Variants in PMF1 observed in about 807,000 individuals in gnomAD.
PMF1 encodes the protein polyamine-modulated factor 1.
A neutral mutation model predicts 26.7 loss-of-function variants in PMF1; 21 were observed. That is an observed-to-expected ratio of 0.79 (90% CI 0.56 to 1.13). The LOEUF is 1.13. Ranked by LOEUF, PMF1 falls within the 50% of genes most tolerant of loss-of-function variation. The probability of loss-of-function intolerance (pLI) is 0.00; values close to 1 mark genes in which losing one functional copy is unlikely to be tolerated. For missense variants in PMF1, 266 were observed against 254.9 expected (o/e 1.04, Z -0.30); for synonymous variants, 105 against 101.0 (o/e 1.04, Z -0.24).
At chr1:156,239,189 A>G (rs935581109) in intron 4 of PMF1, among the ~76,000 whole-genome samples, 1 of 152,120 alleles carries the variant, frequency 6.6e-6, no homozygotes, top group Non-Finnish European at 1.5e-5. Flanking sequence ...GGCAATTTCC[A>G]TGTCTGTAAC....
intron 3 of PMF1, among the ~76,000 whole-genome samples, chr1:156,234,234 A>C (rs762662874): frequency 5.9e-5 from 9 of 152,090 alleles, no homozygotes; most frequent in Non-Finnish European, 1.2e-4. Context: ...CCTTCAGGGG[A>C]GGAGAGCCCC....
At chr1:156,225,753 C>T (rs1658340990) in intron 1 of PMF1, 5 of 591,168 alleles carry the variant, frequency 8.5e-6, no homozygotes, top group African/African-American at 1.8e-5. Flanking sequence ...CCATGCTGTC[C>T]TGCACAATTT....
chr1:156,217,089 T>C (rs2853645), intron 1 of PMF1, among the ~76,000 whole-genome samples: 3 of 147,706 alleles, frequency 2.0e-5, no homozygotes, highest in Non-Finnish European at 4.5e-5. Flanking sequence ...GTGGTGGGGT[T>C]GGGGGAGCGG....
At chr1:156,224,112 C>T (rs1427218206) in intron 1 of PMF1, among the ~76,000 whole-genome samples, 2 of 152,116 alleles carry the variant, frequency 1.3e-5, no homozygotes, top group Non-Finnish European at 2.9e-5. Flanking sequence ...CAATAAAAGA[C>T]TAAATTAGTC....
At chr1:156,229,204 G>T (rs149125661) in intron 1 of PMF1, among the ~76,000 whole-genome samples, 1 of 151,938 alleles carries the variant, frequency 6.6e-6, no homozygotes, top group Non-Finnish European at 1.5e-5. Flanking sequence ...CACCGCGCCT[G>T]GCCTACTGTA....
At chr1:156,237,691 C>CCTG (rs1659113476) in intron 4 of PMF1, among the ~76,000 whole-genome samples, 1 of 151,614 alleles carries the variant, frequency 6.6e-6, no homozygotes, top group African/African-American at 2.4e-5. Flanking sequence ...AAGCAATTCA[C>CCTG]CCACCTCAGC....
intron 1 of PMF1, 53 bp from the exon 2 acceptor site, chr1:156,232,267 T>A (rs983664205): frequency 6.5e-6 from 10 of 1,543,648 alleles, no homozygotes; most frequent in Non-Finnish European, 8.9e-6. Context: ...GGCAGGCTGA[T>A]GGCCGGCCTC....
rs772709878 is a variant in PMF1 at position 156,228,256 on chromosome 1, A to ATTTTTTTTT, written c.162-4040_162-4032dup. ...CAGGCGTGAGCCACCGCACCTGGCG[A>ATTTTTTTTT]TTTTTTTTTTTTTTTTTTTTTTTTT... On this transcript the variant is annotated intron_variant, in intron 1 of 4. Coordinates refer to ENST00000368277, the MANE Select transcript of PMF1 (RefSeq NM_007221.4). 7.7e-4 allele frequency among the ~76,000 whole-genome samples: 26 copies of ATTTTTTTTT among 33,566 alleles called. 6 individuals are homozygous for ATTTTTTTTT. The highest frequency in any genetic ancestry group is 1.8e-3 in the East Asian group (2 of 1,124). The allele number at this position is 33,566 out of a possible 152,430, so 22.0% of individuals were successfully genotyped here.
chr1:156,214,165 C>T (rs1382254718), intron 1 of PMF1, among the ~76,000 whole-genome samples: 2 of 152,148 alleles, frequency 1.3e-5, no homozygotes, highest in Admixed American at 6.5e-5. Context: ...CCACCCACCT[C>T]GGCCTCCCAA....
intron 3 of PMF1, among the ~76,000 whole-genome samples, chr1:156,235,534 T>C (rs1210389220): frequency 5.0e-5 from 7 of 140,520 alleles, no homozygotes; most frequent in Non-Finnish European, 7.6e-5. Context: ...CTCCGCCTCC[T>C]GGGTTCACGC....
rs1477660614 is a variant in PMF1 at position 156,214,881 on chromosome 1, A to ATT, written c.161+1706_161+1707dup. On this transcript the variant is annotated intron_variant, in intron 1 of 4. Transcript: ENST00000368277. Reference sequence around the variant, plus strand: ...CCAGATTATTATTATTATTATTATTATTATTTTTTTTTTTTAGGCAGTGTC... The same window carrying ATT: ...CCAGATTATTATTATTATTATTATTATTTTATTTTTTTTTTTTAGGCAGTGTC... 4.8e-5 allele frequency among the ~76,000 whole-genome samples: 7 copies of ATT among 146,936 alleles called. No homozygotes were observed. In the East Asian group the frequency reaches 8.0e-4, roughly 17 times the overall value.
intron 4 of PMF1, among the ~76,000 whole-genome samples, chr1:156,237,495 G>A (rs1659094539): frequency 7.1e-6 from 1 of 141,660 alleles, no homozygotes; most frequent in East Asian, 2.1e-4. Flanking sequence ...TGCCCAGGCT[G>A]GAGTGCAGTG....
chr1:156,232,523 C>A, intron 2 of PMF1, 98 bp downstream of exon 2: 2 of 1,151,156 alleles, frequency 1.7e-6, no homozygotes, highest in Non-Finnish European at 2.6e-6. Context: ...ACACCTCTGT[C>A]TCCTCAGCCC....
chr1:156,228,278 T>TTTTA (rs1658497541), intron 1 of PMF1, among the ~76,000 whole-genome samples: 1 of 144,878 alleles, frequency 6.9e-6, no homozygotes, highest in Non-Finnish European at 1.5e-5. Context: ...TTTTTTTTTT[T>TTTTA]TTTTTTTTTT....
intron 1 of PMF1, among the ~76,000 whole-genome samples, chr1:156,231,223 A>C (rs1658685993): frequency 6.9e-6 from 1 of 144,452 alleles, no homozygotes; most frequent in South Asian, 2.2e-4. Flanking sequence ...TCTCAAAAAA[A>C]AAAAAAAAAA....
At chr1:156,236,540 G>A (rs1428561979) in intron 4 of PMF1, 57 bp downstream of exon 4, 14 of 1,524,200 alleles carry the variant, frequency 9.2e-6, no homozygotes, top group East Asian at 4.9e-5. Context: ...TCTGAGATCC[G>A]CAAATTGGTG....
intron 1 of PMF1, chr1:156,225,476 A>G (rs1377575704): frequency 3.7e-6 from 3 of 805,138 alleles, no homozygotes; most frequent in African/African-American, 3.4e-5. Flanking sequence ...ACAGTTGGCA[A>G]AGTCCATTGT....
At chr1:156,236,801 C>G (rs1659044252) in intron 4 of PMF1, 1 of 376,210 alleles carries the variant, frequency 2.7e-6, no homozygotes, top group Admixed American at 3.9e-5. Flanking sequence ...GGAGTTAAAA[C>G]CTGGTGCTGG....
chr1:156,224,455 T>G (rs1658245166), intron 1 of PMF1, among the ~76,000 whole-genome samples: 1 of 152,260 alleles, frequency 6.6e-6, no homozygotes. Context: ...ATCACTGGCC[T>G]GGAGACTTTC....
Sources: gnomAD v4.1 joint callset for allele counts (sites outside exome capture counted in the v4.1 genomes callset) on GRCh38, gnomAD v4.1.1 for gene constraint, MANE v1.5 for transcripts, NCBI Gene and HGNC (gene_info 2026-07-23, HGNC 2026-07-21) for gene names.